GNB4: variants seen among roughly 807,000 people sequenced by gnomAD.
GNB4 encodes guanine nucleotide-binding protein subunit beta-4.
GNB4 carries 28 observed loss-of-function variants against 45.2 expected under a neutral mutation model. That is an observed-to-expected ratio of 0.62 (90% CI 0.46 to 0.85). The LOEUF is 0.85. Ranked by LOEUF, GNB4 falls within the 40% of genes least tolerant of loss-of-function variation. The pLI is 0.00. For missense variants in GNB4, 321 were observed against 425.4 expected, an observed-to-expected ratio of 0.75 and a Z score of 2.16; for synonymous variants, 132 against 143.7, an observed-to-expected ratio of 0.92 and a Z score of 0.58.
chr3:179,486,965 T>C, the GNB4 span, among the ~76,000 whole-genome samples: 1 of 152,202 alleles, frequency 6.6e-6, no homozygotes, highest in Admixed American at 6.5e-5. Flanking sequence ...CATATTGGCA[T>C]AAACCAAGCT....
chr3:179,503,876 C>A, the GNB4 span, among the ~76,000 whole-genome samples: 1 of 152,134 alleles, frequency 6.6e-6, no homozygotes, highest in Admixed American at 6.5e-5. Flanking sequence ...TCCATTTGCT[C>A]AAAGCCAAGA....
the GNB4 span, among the ~76,000 whole-genome samples, chr3:179,481,533 T>A: frequency 1.3e-4 from 19 of 151,962 alleles, no homozygotes; most frequent in Admixed American, 2.0e-4. Context: ...AGAGACAAGG[T>A]CTCACTATAT....
intron 4 of GNB4, 80 bp downstream of exon 4, chr3:179,419,319 C>T (rs571345326): frequency 5.4e-6 from 5 of 923,720 alleles, no homozygotes; most frequent in Non-Finnish European, 7.1e-6. Flanking sequence ...TGTTTTTAAA[C>T]AAAGAAAATG....
chr3:179,494,283 GAAAGAAAGAA>G, the GNB4 span, among the ~76,000 whole-genome samples: 46 of 148,064 alleles, frequency 3.1e-4, no homozygotes, highest in African/African-American at 9.9e-4. Flanking sequence ...GAAAGAGAAA[GAAAGAAAGAA>G]AGAGAGAGGA....
Position 179,400,163 on chromosome 3 carries a change from A to T in GNB4, c.*1050T>A, listed in dbSNP as rs1443793059. ...AAAGGTTTAAGAAATTTAAAGGCAC[A>T]GATATTTCACATCAATTCAGATTTT... is the stretch of plus-strand genomic sequence containing the variant. On this transcript the variant is annotated 3_prime_UTR_variant, in exon 10 of 10. Transcript: ENST00000232564. The T allele has an allele frequency of 6.6e-6, 1 of 152,252 alleles. No homozygotes were observed. The highest frequency in any genetic ancestry group is 1.5e-5 in the Non-Finnish European group (1 of 68,044). The allele number at this position is 152,252 out of a possible 1,614,324, so 9.4% of individuals were successfully genotyped here.
At chr3:179,524,771 AT>A in the GNB4 span, among the ~76,000 whole-genome samples, 1 of 152,152 alleles carries the variant, frequency 6.6e-6, no homozygotes, top group Non-Finnish European at 1.5e-5. Flanking sequence ...ACGCTAACTG[AT>A]TTGGGAGAGG....
At chr3:179,498,270 A>G in the GNB4 span, among the ~76,000 whole-genome samples, 1 of 152,202 alleles carries the variant, frequency 6.6e-6, no homozygotes, top group African/African-American at 2.4e-5. Flanking sequence ...TACAAGATGT[A>G]TCAGACATCA....
rs560875216 is a variant in GNB4 at position 179,442,627 on chromosome 3, C to CT, written c.-43+8718dup. ...GTTACCAAGCCACAGTCCTATGTCA[C>CT]TTTTTTTTTTAAGAGATGGGGTCTT... On this transcript the variant is annotated intron_variant, in intron 1 of 9. Transcript: ENST00000232564. 4.0e-3 allele frequency among the ~76,000 whole-genome samples: 589 copies of CT among 148,436 alleles called. 5 individuals carry two copies. The highest frequency in any genetic ancestry group is 0.014 in the African/African-American group (562 of 40,562).
chr3:179,447,062 G>GA, intron 1 of GNB4, among the ~76,000 whole-genome samples: 1 of 152,118 alleles, frequency 6.6e-6, no homozygotes, highest in African/African-American at 2.4e-5. Context: ...TCGTATGCAA[G>GA]AAAAAAACTG....
chr3:179,420,303 GTT>G (rs769305965), intron 3 of GNB4, among the ~76,000 whole-genome samples: 1 of 138,000 alleles, frequency 7.2e-6, no homozygotes, highest in Non-Finnish European at 1.6e-5. Context: ...TAACTTTCAT[GTT>G]TTTTTTTTTT....
the GNB4 span, among the ~76,000 whole-genome samples, chr3:179,477,040 T>C: frequency 1.3e-5 from 2 of 152,154 alleles, no homozygotes; most frequent in African/African-American, 4.8e-5. Context: ...GAAGACAGTC[T>C]GCCCTTCTAG....
chr3:179,445,608 G>C lies in GNB4; in HGVS notation c.-43+5738C>G, dbSNP rs757633356. Among the ~76,000 whole-genome samples the C allele has an allele frequency of 6.6e-5, 10 of 152,206 alleles. 1 individual carries two copies. In the Middle Eastern group the frequency reaches 0.027, roughly 414 times the overall value. On this transcript the variant is annotated intron_variant, in intron 1 of 9. Coordinates refer to ENST00000232564, the MANE Select transcript of GNB4 (RefSeq NM_021629.4). ...GCCAACACTTTTGCATAATAGGTAA[G>C]AATTAATGTTTAAGGATATTCATTA...
Position 179,419,389 on chromosome 3 carries a change from A to T in GNB4, c.203+10T>A. 1 of 1,450,652 alleles carries T rather than the reference A, an allele frequency of 6.9e-7. No homozygotes were observed. The highest frequency in any genetic ancestry group is 1.4e-5 in the African/African-American group (1 of 71,820). 89.9% of individuals were successfully genotyped at this position (1,450,652 alleles called of 1,614,324 possible). A position where few individuals can be genotyped will look rare whatever the true frequency, so the allele number is the denominator to read the frequency against. ...CAGTTTAAAAATGACAGGTAATGAC[A>T]GGTACAAACCTGGAATCGTATCCCC... On this transcript the variant is annotated intron_variant, in intron 4 of 9. Coordinates refer to ENST00000232564, the MANE Select transcript of GNB4 (RefSeq NM_021629.4).
the GNB4 span, among the ~76,000 whole-genome samples, chr3:179,459,295 A>G: frequency 1.6e-4 from 24 of 152,278 alleles, no homozygotes; most frequent in East Asian, 3.7e-3. Flanking sequence ...ACTCTCCTAT[A>G]TTCAATCAAA....
chr3:179,464,394 C>G, the GNB4 span: 1 of 1,203,624 alleles, frequency 8.3e-7, no homozygotes, highest in South Asian at 1.2e-5. Context: ...GCTGCTGCAG[C>G]CCGTGCACAG....
the GNB4 span, chr3:179,464,216 T>C: frequency 6.3e-5 from 25 of 398,636 alleles, no homozygotes; most frequent in Middle Eastern, 7.9e-4. Context: ...CCCAACGTTT[T>C]AGGAGGCTGA....
rs962727126 is a variant in GNB4 at position 179,408,373 on chromosome 3, A to T, written c.700-2967T>A. Among the ~76,000 whole-genome samples the T allele has an allele frequency of 3.3e-5, 5 of 152,338 alleles. 1 individual carries two copies. Among genetic ancestry groups the T allele is most frequent in the Middle Eastern group, 6.8e-3 (2 of 294 alleles). On this transcript the variant is annotated intron_variant, in intron 8 of 9. Coordinates refer to ENST00000232564, the MANE Select transcript of GNB4 (RefSeq NM_021629.4). ...AGGACCCATCCAAAGTAAAATACAGAAAGAAAAATATCCTGAACAATAAGA... is the reference window on the plus strand; with the variant it reads ...AGGACCCATCCAAAGTAAAATACAGTAAGAAAAATATCCTGAACAATAAGA...
intron 9 of GNB4, among the ~76,000 whole-genome samples, chr3:179,404,339 A>AATAGGTC (rs1215930881): frequency 2.6e-5 from 4 of 152,236 alleles, no homozygotes; most frequent in African/African-American, 9.6e-5. Flanking sequence ...CATCCATGAT[A>AATAGGTC]ATAGGTCAAC....
At chr3:179,511,001 C>G in the GNB4 span, among the ~76,000 whole-genome samples, 5 of 151,834 alleles carry the variant, frequency 3.3e-5, no homozygotes, top group Admixed American at 3.3e-4. Flanking sequence ...TCCCACCCCC[C>G]ACCTACACAG....
Sources: gnomAD v4.1 joint callset for allele counts (sites outside exome capture counted in the v4.1 genomes callset) on GRCh38, gnomAD v4.1.1 for gene constraint, MANE v1.5 for transcripts, NCBI Gene and HGNC (gene_info 2026-07-23, HGNC 2026-07-21) for gene names.